SEH1L: variants seen among roughly 807,000 people sequenced by gnomAD.
SEH1L encodes nucleoporin SEH1.
In SEH1L, 18 loss-of-function variants were observed where a neutral mutation model predicts 49.5. The ratio of observed to expected loss-of-function variants is 0.36; its 90% CI spans 0.25 to 0.54. SEH1L has a LOEUF of 0.54. Ranked by LOEUF, SEH1L falls within the 20% of genes least tolerant of loss-of-function variation. SEH1L has a pLI of 0.87. For missense variants in SEH1L, 404 were observed against 528.8 expected (o/e 0.76, Z 2.31); for synonymous variants, 169 against 178.1 (o/e 0.95, Z 0.41).
intron 5 of SEH1L, chr18:12,976,514 C>T (rs1415319056): frequency 6.6e-6 from 1 of 152,238 alleles, no homozygotes; most frequent in Non-Finnish European, 1.5e-5. Flanking sequence ...GTCGTTACAG[C>T]CTGGATTCAA....
intron 4 of SEH1L, among the ~76,000 whole-genome samples, chr18:12,969,521 TTAC>T (rs2145638355): frequency 6.6e-6 from 1 of 151,626 alleles, no homozygotes; most frequent in East Asian, 2.0e-4. Flanking sequence ...AACCTCATCT[TTAC>T]TAAAGATACA....
At chr18:12,983,969 C>T (rs779070026) in intron 7 of SEH1L, 71 bp from the exon 8 acceptor site, 1 of 1,196,426 alleles carries the variant, frequency 8.4e-7, no homozygotes, top group Non-Finnish European at 1.2e-6. Context: ...AGTTTAAGGA[C>T]ATGGGTACAG....
chr18:12,948,986 A>T (rs900279000), intron 1 of SEH1L, among the ~76,000 whole-genome samples: 3 of 149,516 alleles, frequency 2.0e-5, no homozygotes, highest in African/African-American at 7.4e-5. Context: ...AGTAGCAGGG[A>T]TTACAGGTGC....
At chr18:12,980,717 G>A (rs1207061749) in intron 6 of SEH1L, among the ~76,000 whole-genome samples, 16 of 87,370 alleles carry the variant, frequency 1.8e-4, no homozygotes, top group East Asian at 5.7e-4. Flanking sequence ...CTTCCCTCCC[G>A]GACGGGGCGG....
chr18:12,972,376 G>A (rs1055820459), intron 5 of SEH1L: 11 of 152,162 alleles, frequency 7.2e-5, no homozygotes, highest in Admixed American at 7.2e-4. Context: ...GGCAGATTTG[G>A]GTAGAGTGTG....
chr18:12,960,072 TCTCAGGTAACGC>T (rs1162109788), intron 3 of SEH1L, among the ~76,000 whole-genome samples: 1 of 152,204 alleles, frequency 6.6e-6, no homozygotes, highest in Non-Finnish European at 1.5e-5. Flanking sequence ...GTTTCTTTGG[TCTCAGGTAACGC>T]CTTGAGCAAC....
intron 3 of SEH1L, among the ~76,000 whole-genome samples, chr18:12,959,081 T>G (rs924514716): frequency 7.2e-5 from 11 of 152,228 alleles, no homozygotes; most frequent in Non-Finnish European, 1.5e-4. Context: ...TGGTTCTGAT[T>G]TGCATTTCTC....
rs1194828234 is a variant in SEH1L, at chr18:12,975,545, G to A, written c.621-3207G>A. On this transcript the variant is annotated intron_variant, in intron 5 of 8. Coordinates refer to ENST00000399892, the MANE Select transcript of SEH1L (RefSeq NM_001013437.2). ...TTCTGCAAGCAGAGAGGAGGCAGGA[G>A]CAAAGACAAGGGCGTGGGGTCGAGG... Among the ~76,000 whole-genome samples the A allele has an allele frequency of 3.3e-5, 5 of 151,696 alleles. No individual in the cohort carries two copies. In the East Asian group the frequency reaches 9.7e-4, roughly 30 times the overall value.
At chr18:12,975,616 G>T in intron 5 of SEH1L, 1 of 742,850 alleles carries the variant, frequency 1.3e-6, no homozygotes, top group Non-Finnish European at 1.6e-6. Context: ...GGGAGGGGCA[G>T]GCCAACAGGC....
At chr18:12,968,356 G>A (rs1568219469) in intron 4 of SEH1L, among the ~76,000 whole-genome samples, 2 of 152,190 alleles carry the variant, frequency 1.3e-5, no homozygotes, top group African/African-American at 4.8e-5. Context: ...CGTTGAGCAC[G>A]ATGAACCATT....
rs1476301821 is a variant in SEH1L, at chr18:12,948,030, C to G, written c.-92C>G. ...GTGGGCAGCACAAGCCGTGCGCTCC[C>G]GGGCTGCGAGGTCTGGCTAGGCTAC... On this transcript the variant is annotated 5_prime_UTR_variant, in exon 1 of 9. Coordinates refer to ENST00000399892, the MANE Select transcript of SEH1L (RefSeq NM_001013437.2). The G allele has an allele frequency of 4.5e-6, 4 of 897,536 alleles. No individual in the cohort carries two copies. The highest frequency in any genetic ancestry group is 1.7e-5 in the African/African-American group (1 of 58,732). The allele number at this position is 897,536 out of a possible 1,614,324, so 55.6% of individuals were successfully genotyped here.
chr18:12,948,449 T>G, intron 1 of SEH1L: 1 of 421,060 alleles, frequency 2.4e-6, no homozygotes, highest in Non-Finnish European at 4.2e-6. Flanking sequence ...CCTGCGCAGC[T>G]GGTGCCACGT....
At chr18:12,969,206 TACCCG>T (rs1568220078) in intron 4 of SEH1L, among the ~76,000 whole-genome samples, 1 of 13,824 alleles carries the variant, frequency 7.2e-5, no homozygotes. Flanking sequence ...CAAAACTCTG[TACCCG>T]CCCCCCCCCC....
At chr18:12,980,794 C>T (rs1310602624) in intron 6 of SEH1L, among the ~76,000 whole-genome samples, 16 of 99,290 alleles carry the variant, frequency 1.6e-4, no homozygotes, top group Non-Finnish European at 2.8e-4. Context: ...CCTCACCTCC[C>T]GGACGGGGCG....
chr18:12,955,687 T>TATTTTACC, intron 3 of SEH1L, 78 bp downstream of exon 3: 2 of 1,465,720 alleles, frequency 1.4e-6, no homozygotes, highest in Non-Finnish European at 1.9e-6. Context: ...CTACCTCAGA[T>TATTTTACC]AATTGGTAAA....
intron 4 of SEH1L, among the ~76,000 whole-genome samples, chr18:12,965,566 T>G (rs2031413271): frequency 6.6e-6 from 1 of 152,246 alleles, no homozygotes; most frequent in Non-Finnish European, 1.5e-5. Flanking sequence ...ATAGTTTGGC[T>G]AGTTTTAGAG....
chr18:12,966,351 C>T (rs976451174), intron 4 of SEH1L, among the ~76,000 whole-genome samples: 1 of 152,116 alleles, frequency 6.6e-6, no homozygotes, highest in Non-Finnish European at 1.5e-5. Flanking sequence ...CTCGGCCTCC[C>T]AAAGTGTTGG....
chr18:12,965,009 CTTTTTTTTTTTTT>C (rs138934038), intron 4 of SEH1L, among the ~76,000 whole-genome samples: 2 of 82,608 alleles, frequency 2.4e-5, no homozygotes, highest in Admixed American at 1.8e-4. Context: ...TTTCCTCATT[CTTTTTTTTTTTTT>C]TTTTTTTTTG....
At chr18:12,957,746 G>C (rs529615388) in intron 3 of SEH1L, among the ~76,000 whole-genome samples, 1 of 152,236 alleles carries the variant, frequency 6.6e-6, no homozygotes, top group African/African-American at 2.4e-5. Context: ...CCCCTCACCT[G>C]CCCTCCCTAA....
Sources: gnomAD v4.1 joint callset for allele counts (sites outside exome capture counted in the v4.1 genomes callset) on GRCh38, gnomAD v4.1.1 for gene constraint, MANE v1.5 for transcripts, NCBI Gene and HGNC (gene_info 2026-07-23, HGNC 2026-07-21) for gene names.